Variants in PRKN observed in about 807,000 individuals in gnomAD.
PRKN encodes the protein E3 ubiquitin-protein ligase parkin.
PRKN carries 56 observed loss-of-function variants against 59.5 expected under a neutral mutation model. The observed-to-expected ratio is 0.94, with a 90% confidence interval of 0.76 to 1.18. The LOEUF is 1.18. Ranked by LOEUF, PRKN falls within the 50% of genes most tolerant of loss-of-function variation. The pLI, the probability that PRKN is intolerant of heterozygous loss-of-function variation, is 0.00. For synonymous variants in PRKN, 250 were observed against 222.1 expected, an observed-to-expected ratio of 1.13 and a Z score of -1.12; for missense variants, 657 against 596.4, an observed-to-expected ratio of 1.10 and a Z score of -1.06.
intron 1 of PRKN, among the ~76,000 whole-genome samples, chr6:162,723,382 A>G (rs1779008363): frequency 6.6e-6 from 1 of 152,196 alleles, no homozygotes; most frequent in Non-Finnish European, 1.5e-5. Context: ...GGAAATGGGC[A>G]CTCTTATACA....
intron 7 of PRKN, among the ~76,000 whole-genome samples, chr6:161,687,198 C>A (rs373189784): frequency 6.6e-6 from 1 of 151,302 alleles, no homozygotes; most frequent in African/African-American, 2.4e-5. Flanking sequence ...ACTAGTCTGG[C>A]CAACATGGTG....
At chr6:162,270,626 T>C (rs1780338049) in intron 2 of PRKN, 2 of 152,234 alleles carry the variant, frequency 1.3e-5, no homozygotes. Flanking sequence ...ATTTTCTATC[T>C]AGAAAAGGAA....
In PRKN at chr6:161,847,055, A is replaced by G. The variant is rs60218884; in HGVS notation, c.735-61147T>C. ...CCAGGCACGGTGGCTCACACCTGCA[A>G]TCCCAGCACTGTGGGAGGCCGGGGT... On this transcript the variant is annotated intron_variant, in intron 6 of 11. Coordinates refer to ENST00000366898, the MANE Select transcript of PRKN (RefSeq NM_004562.3). Among the ~76,000 whole-genome samples, 90 of 152,340 alleles carry G rather than the reference A, an allele frequency of 5.9e-4. 1 individual carries two copies. In the East Asian group the frequency reaches 0.013, roughly 23 times the overall value.
At chr6:161,539,442 C>G (rs1477192176) in intron 9 of PRKN, among the ~76,000 whole-genome samples, 1 of 147,762 alleles carries the variant, frequency 6.8e-6, no homozygotes. Context: ...CAGCAGCGAG[C>G]CTTCACGGAG....
At chr6:161,511,867 G>T (rs923060418) in intron 9 of PRKN, among the ~76,000 whole-genome samples, 36 of 152,282 alleles carry the variant, frequency 2.4e-4, no homozygotes, top group African/African-American at 8.4e-4. Flanking sequence ...ACATTAGTCT[G>T]GGAGAAGAAT....
intron 4 of PRKN, among the ~76,000 whole-genome samples, chr6:162,166,707 T>G (rs774534271): frequency 9.2e-5 from 14 of 152,106 alleles, no homozygotes; most frequent in Non-Finnish European, 1.8e-4. Flanking sequence ...ACAAAGGAAA[T>G]AGAGTAAAAA....
intron 6 of PRKN, among the ~76,000 whole-genome samples, chr6:161,866,802 A>T (rs1463406102): frequency 1.3e-5 from 2 of 152,024 alleles, no homozygotes; most frequent in Non-Finnish European, 2.9e-5. Flanking sequence ...GTGTGGGAGG[A>T]TGTGGGGTAA....
chr6:161,775,976 C>A (rs1416669987), intron 7 of PRKN, among the ~76,000 whole-genome samples: 1 of 152,102 alleles, frequency 6.6e-6, no homozygotes, highest in Non-Finnish European at 1.5e-5. Context: ...GGGAGTACAA[C>A]AGTAAAAACA....
chr6:161,960,113 G>A (rs1336231159), intron 6 of PRKN, among the ~76,000 whole-genome samples: 1 of 152,150 alleles, frequency 6.6e-6, no homozygotes, highest in Non-Finnish European at 1.5e-5. Context: ...GAAAGGGAGG[G>A]CTGTGCTAAC....
intron 4 of PRKN, among the ~76,000 whole-genome samples, chr6:162,179,880 C>T (rs1783711297): frequency 6.7e-6 from 1 of 150,292 alleles, no homozygotes; most frequent in Admixed American, 6.7e-5. Flanking sequence ...ACTTAAATAT[C>T]TATTTAGTGT....
intron 5 of PRKN, among the ~76,000 whole-genome samples, chr6:162,001,867 T>A (rs1161058173): frequency 6.8e-4 from 85 of 124,768 alleles, no homozygotes; most frequent in Non-Finnish European, 1.1e-3. Flanking sequence ...TTTTTTTTTT[T>A]AAATCATGAA....
chr6:161,559,291 C>T (rs1780364974), intron 8 of PRKN, among the ~76,000 whole-genome samples: 1 of 152,158 alleles, frequency 6.6e-6, no homozygotes, highest in African/African-American at 2.4e-5. Context: ...GCTCCCCTTT[C>T]AGGGGAGGGC....
chr6:161,746,706 G>A (rs1328425075), intron 7 of PRKN, among the ~76,000 whole-genome samples: 1 of 144,256 alleles, frequency 6.9e-6, no homozygotes, highest in East Asian at 2.0e-4. Flanking sequence ...ATGTATATAT[G>A]TATATATAGA....
At chr6:162,154,189 C>G (rs869297) in intron 4 of PRKN, among the ~76,000 whole-genome samples, 144,053 of 152,178 alleles carry the variant, frequency 0.95, 68,530 homozygotes, top group Non-Finnish European at 1. Flanking sequence ...AAAGCCAGTG[C>G]TGCTGAAGAC....
chr6:161,832,915 G>A (rs973602099), intron 6 of PRKN, among the ~76,000 whole-genome samples: 2 of 151,916 alleles, frequency 1.3e-5, no homozygotes, highest in Admixed American at 6.6e-5. Context: ...AACCATTGCC[G>A]AATGTCTGGC....
At chr6:162,226,867 A>G (rs1360282126) in intron 3 of PRKN, among the ~76,000 whole-genome samples, 1 of 152,170 alleles carries the variant, frequency 6.6e-6, no homozygotes, top group East Asian at 1.9e-4. Context: ...GCTCAGGCCA[A>G]ATCAGTTCTT....
At chr6:161,778,165 C>T (rs1355172995) in intron 7 of PRKN, among the ~76,000 whole-genome samples, 2 of 152,016 alleles carry the variant, frequency 1.3e-5, no homozygotes, top group South Asian at 2.1e-4. Flanking sequence ...GCTTCTTCCA[C>T]AGGTTGAGTG....
intron 1 of PRKN, among the ~76,000 whole-genome samples, chr6:162,711,113 G>C (rs1270674457): frequency 6.6e-6 from 1 of 152,204 alleles, no homozygotes; most frequent in African/African-American, 2.4e-5. Flanking sequence ...TCTCTGACCA[G>C]CAGCAGCCAA....
intron 6 of PRKN, among the ~76,000 whole-genome samples, chr6:161,879,536 C>T (rs770908878): frequency 5.3e-5 from 8 of 152,028 alleles, no homozygotes; most frequent in South Asian, 2.1e-4. Context: ...TGAGTAGAGA[C>T]GAGGTTTCAC....
Sources: allele counts gnomAD v4.1 joint callset (sites outside exome capture counted in the v4.1 genomes callset), GRCh38; gene constraint gnomAD v4.1.1; transcripts MANE v1.5; gene names NCBI Gene and HGNC (gene_info 2026-07-23, HGNC 2026-07-21).